Variants in BABAM2 observed in about 807,000 individuals in gnomAD.
BABAM2 encodes the protein BRISC and BRCA1 A complex member 2, also known as BRISC and BRCA1-A complex member 2.
Under a neutral mutation model 54.7 loss-of-function variants are expected in BABAM2, and 31 were observed. The observed-to-expected ratio is 0.57, with a 90% CI of 0.43 to 0.77. The LOEUF is 0.77. BABAM2 is among the 30% of genes least tolerant of loss of function. The pLI is 0.00. For missense variants in BABAM2, 364 were observed against 455.8 expected, an observed-to-expected ratio of 0.80 and a Z score of 1.83; for synonymous variants, 167 against 162.9, an observed-to-expected ratio of 1.03 and a Z score of -0.19.
intron 6 of BABAM2, among the ~76,000 whole-genome samples, chr2:28,048,585 A>G (rs1336948220): frequency 1.3e-5 from 2 of 152,114 alleles, no homozygotes; most frequent in Non-Finnish European, 2.9e-5. Flanking sequence ...TTTCATACAA[A>G]TCCTCTTCTT....
intron 3 of BABAM2, among the ~76,000 whole-genome samples, chr2:27,973,817 G>A (rs2148457342): frequency 6.6e-6 from 1 of 152,284 alleles, no homozygotes; most frequent in Admixed American, 6.5e-5. Context: ...TCTGGGTGGT[G>A]CGTACTTTGG....
chr2:28,161,899 G>A (rs1172680346), intron 7 of BABAM2, among the ~76,000 whole-genome samples: 1 of 152,112 alleles, frequency 6.6e-6, no homozygotes, highest in African/African-American at 2.4e-5. Flanking sequence ...ACCAGAAATG[G>A]ACTCTGATAG....
At chr2:28,102,345 C>G (rs560356702) in intron 6 of BABAM2, among the ~76,000 whole-genome samples, 1 of 152,068 alleles carries the variant, frequency 6.6e-6, no homozygotes, top group Non-Finnish European at 1.5e-5. Context: ...TCCACTGAAC[C>G]GACTGCAATT....
At chr2:28,310,817 G>C (rs1019577466) in intron 11 of BABAM2, among the ~76,000 whole-genome samples, 1 of 152,194 alleles carries the variant, frequency 6.6e-6, no homozygotes, top group Non-Finnish European at 1.5e-5. Context: ...CGGGGAGGCA[G>C]AGGTTGCAGT....
At chr2:27,927,701 TA>T (rs1467133768) in intron 2 of BABAM2, among the ~76,000 whole-genome samples, 4 of 152,230 alleles carry the variant, frequency 2.6e-5, no homozygotes, top group Non-Finnish European at 4.4e-5. Flanking sequence ...CTGTGAAATA[TA>T]AAAATTTGTT....
At chr2:28,192,225 G>A (rs566306720) in intron 7 of BABAM2, among the ~76,000 whole-genome samples, 2 of 151,892 alleles carry the variant, frequency 1.3e-5, no homozygotes, top group Non-Finnish European at 2.9e-5. Flanking sequence ...TAGTAGAGAC[G>A]GGGTTTCACC....
At chr2:28,163,930 A>G (rs1231657917) in intron 7 of BABAM2, among the ~76,000 whole-genome samples, 1 of 152,212 alleles carries the variant, frequency 6.6e-6, no homozygotes, top group Non-Finnish European at 1.5e-5. Flanking sequence ...CTCTAGGCCC[A>G]CTGCTATGCA....
intron 4 of BABAM2, among the ~76,000 whole-genome samples, chr2:27,993,750 G>A (rs919995143): frequency 6.6e-6 from 1 of 152,132 alleles, no homozygotes. Context: ...GCTACTGCAG[G>A]TATTGGTCAC....
At chr2:28,125,161 A>G (rs186048663) in intron 6 of BABAM2, among the ~76,000 whole-genome samples, 24 of 152,360 alleles carry the variant, frequency 1.6e-4, no homozygotes, top group African/African-American at 5.3e-4. Context: ...ACCATTTTCC[A>G]GATTTTAAAG....
rs566398189 is a variant in BABAM2 at position 27,915,826 on chromosome 2, T to G, written c.129-14006T>G. Among the ~76,000 whole-genome samples the G allele has an allele frequency of 2.0e-4, 30 of 152,296 alleles. No homozygotes were observed. In the South Asian group the frequency reaches 6.2e-3, roughly 32 times the overall value. ...TTTTTGGCTCTACCCTGTCATCAGT[T>G]TCCTACTACAATTCTCTCTCTCTAC... On this transcript the variant is annotated intron_variant, in intron 2 of 11. Coordinates refer to ENST00000379624, the MANE Select transcript of BABAM2 (RefSeq NM_199191.3).
At chr2:28,109,273 C>G (rs963797601) in intron 6 of BABAM2, among the ~76,000 whole-genome samples, 2 of 149,290 alleles carry the variant, frequency 1.3e-5, no homozygotes, top group African/African-American at 5.0e-5. Flanking sequence ...ACCGCAAGCT[C>G]CACCTCCTGG....
chr2:28,130,224 ACTAT>A (rs1404264332), intron 7 of BABAM2, among the ~76,000 whole-genome samples: 1 of 152,206 alleles, frequency 6.6e-6, no homozygotes, highest in Non-Finnish European at 1.5e-5. Flanking sequence ...AGATGTGGTC[ACTAT>A]CTAGCATTCT....
intron 7 of BABAM2, among the ~76,000 whole-genome samples, chr2:28,194,717 T>G (rs1326096166): frequency 6.6e-6 from 1 of 151,168 alleles, no homozygotes; most frequent in Admixed American, 6.6e-5. Flanking sequence ...CGTACCACCA[T>G]GCCTGGCTAA....
intron 7 of BABAM2, among the ~76,000 whole-genome samples, chr2:28,162,559 G>A (rs2147816998): frequency 6.6e-6 from 1 of 152,284 alleles, no homozygotes; most frequent in African/African-American, 2.4e-5. Context: ...GCTCTTCCTA[G>A]CTCAGCCAAC....
intron 6 of BABAM2, among the ~76,000 whole-genome samples, chr2:28,108,234 A>G (rs1192392090): frequency 6.6e-6 from 1 of 152,214 alleles, no homozygotes; most frequent in Non-Finnish European, 1.5e-5. Flanking sequence ...CTAGTCTGCT[A>G]TCTTAATTGC....
At chr2:27,974,584 T>A (rs548581314) in intron 3 of BABAM2, among the ~76,000 whole-genome samples, 62 of 152,178 alleles carry the variant, frequency 4.1e-4, no homozygotes, top group Admixed American at 1.0e-3. Context: ...TAAATAGGAA[T>A]AAAAGGGAAT....
intron 5 of BABAM2, among the ~76,000 whole-genome samples, chr2:28,025,799 G>A (rs1374293718): frequency 6.6e-6 from 1 of 152,160 alleles, no homozygotes; most frequent in Admixed American, 6.5e-5. Context: ...CAATATCCCA[G>A]TCAGGTAAGA....
At chr2:28,052,362 A>G (rs1678066492) in intron 6 of BABAM2, among the ~76,000 whole-genome samples, 1 of 148,524 alleles carries the variant, frequency 6.7e-6, no homozygotes, top group Non-Finnish European at 1.5e-5. Flanking sequence ...ATCTTGGCTC[A>G]CTGCCACCTC....
At chr2:28,163,587 A>C (rs1266028455) in intron 7 of BABAM2, among the ~76,000 whole-genome samples, 1 of 152,188 alleles carries the variant, frequency 6.6e-6, no homozygotes, top group African/African-American at 2.4e-5. Flanking sequence ...GAATAATGAA[A>C]AACTGAGAGC....
Sources: gnomAD v4.1 joint callset for allele counts (sites outside exome capture counted in the v4.1 genomes callset) on GRCh38, gnomAD v4.1.1 for gene constraint, MANE v1.5 for transcripts, NCBI Gene and HGNC (gene_info 2026-07-23, HGNC 2026-07-21) for gene names.